The following NBPF20 variants were observed in gnomAD, a reference collection of about 807,000 sequenced individuals.
NBPF20 encodes NBPF family member NBPF20.
Under a neutral mutation model 68.1 loss-of-function variants are expected in NBPF20, and 90 were observed. That is an observed-to-expected ratio of 1.32 (90% CI 1.11 to 1.58). The LOEUF is 1.58. Among genes scored for constraint, NBPF20 ranks in the 40% most tolerant of loss-of-function variants. The pLI is 0.00. For missense variants in NBPF20, 816 were observed against 601.2 expected (o/e 1.36, Z -3.74); for synonymous variants, 290 against 228.1 (o/e 1.27, Z -2.45).
intron 6 of NBPF20, 102 bp downstream of exon 11, chr1:145,400,287 C>T: frequency 1.3e-6 from 2 of 1,592,820 alleles, no homozygotes; most frequent in Admixed American, 3.4e-5. Flanking sequence ...AAACCCATCA[C>T]AGTTTTTTAT....
At chr1:145,419,097 A>AAGGGAGGG in the NBPF20 span, among the ~76,000 whole-genome samples, 533 of 126,222 alleles carry the variant, frequency 4.2e-3, 8 homozygotes, top group African/African-American at 0.016. Flanking sequence ...GGAAGGAAGG[A>AAGGGAGGG]AGGGAGGGAG....
intron 75 of NBPF20, among the ~76,000 whole-genome samples, chr1:145,341,157 GAGAC>G: frequency 1.3e-5 from 1 of 78,372 alleles, no homozygotes; most frequent in South Asian, 3.6e-4. Context: ...GACAGAGAGA[GAGAC>G]AGAGACAGAG....
In NBPF20 at chr1:145,291,556, C is replaced by A. The variant is rs782354600; in HGVS notation, c.16911G>T (p.Val5637=). The A allele has an allele frequency of 2.0e-5, 32 of 1,611,896 alleles. 1 individual carries two copies. The South Asian group carries it at 2.4e-4, about 12-fold the overall frequency. The change falls in exon 138 of 138, where the codon GTG becomes GTT. Residue 5637 remains valine (V), a synonymous_variant. Coordinates refer to ENST00000369373, the Ensembl canonical transcript of NBPF20. ...GTGGGAATATGACTCCCATCTGGAACACCAGGTGGAGACTTGTCACCGTCA... is the reference window on the plus strand; with the variant it reads ...GTGGGAATATGACTCCCATCTGGAAAACCAGGTGGAGACTTGTCACCGTCA...
intron 136 of NBPF20, 41 bp from the exon 142 acceptor site, chr1:145,292,530 T>C: frequency 1.5e-6 from 1 of 682,864 alleles, no homozygotes; most frequent in South Asian, 1.6e-5. Flanking sequence ...TTAAGCTGAT[T>C]CCCCTACACA....
At chr1:145,419,444 C>T in the NBPF20 span, among the ~76,000 whole-genome samples, 31 of 152,164 alleles carry the variant, frequency 2.0e-4, no homozygotes, top group Non-Finnish European at 2.8e-4. Context: ...CCCACTGTTG[C>T]CAGAGACACT....
upstream of NBPF20, among the ~76,000 whole-genome samples, chr1:145,407,361 G>A (rs1571381747): frequency 7.2e-6 from 1 of 139,484 alleles, no homozygotes; most frequent in Non-Finnish European, 1.5e-5. Flanking sequence ...AACCAACATG[G>A]CACACGTATA....
chr1:145,410,610 G>A, the NBPF20 span, among the ~76,000 whole-genome samples: 3 of 150,796 alleles, frequency 2.0e-5, no homozygotes, highest in Non-Finnish European at 3.0e-5. Flanking sequence ...ACCGCGCCCG[G>A]CCCCATGTAT....
intron 3 of NBPF20, among the ~76,000 whole-genome samples, chr1:145,402,782 T>A (rs1197964421): frequency 2.0e-5 from 3 of 147,852 alleles, no homozygotes; most frequent in Non-Finnish European, 3.0e-5. Context: ...ATGGGGCGAA[T>A]TGAAAAGACG....
chr1:145,291,293 C>T (rs1283863740), exon 138 of NBPF20: 2 of 653,384 alleles, frequency 3.1e-6, no homozygotes, highest in Non-Finnish European at 5.2e-6. Context: ...TCTGACTGAT[C>T]ACTCCCGGCA....
At chr1:145,424,926 C>A in the NBPF20 span, among the ~76,000 whole-genome samples, 1 of 152,164 alleles carries the variant, frequency 6.6e-6, no homozygotes, top group East Asian at 1.9e-4. Context: ...AGCAGAATCC[C>A]GGAGGCCAAT....
At chr1:145,425,222 C>A in the NBPF20 span, among the ~76,000 whole-genome samples, 1 of 151,726 alleles carries the variant, frequency 6.6e-6, no homozygotes, top group Non-Finnish European at 1.5e-5. Context: ...GAACACACGC[C>A]CCCCCCAACC....
At chr1:145,417,693 A>C in the NBPF20 span, among the ~76,000 whole-genome samples, 2 of 149,276 alleles carry the variant, frequency 1.3e-5, no homozygotes, top group South Asian at 4.3e-4. Flanking sequence ...GCAAATAAGC[A>C]TATGAGAAAG....
At chr1:145,422,699 T>C in the NBPF20 span, among the ~76,000 whole-genome samples, 3 of 152,258 alleles carry the variant, frequency 2.0e-5, no homozygotes, top group Admixed American at 1.3e-4. Flanking sequence ...TAGTAAAAAG[T>C]GAATCATAGC....
exon 138 of NBPF20, chr1:145,291,490 T>G (rs1341101727): frequency 1.9e-5 from 30 of 1,611,914 alleles, no homozygotes; most frequent in African/African-American, 8.0e-5. Flanking sequence ...AGGTCCTGCC[T>G]GCAGGAATGA....
Position 145,394,973 on chromosome 1 carries a change from C to G in NBPF20, c.991+5G>C, listed in dbSNP as rs1337706303. ...GCTTTATCACCTTCACAGTGTAGTACTCACTGCCTATGTCAACAGCCATGC... is the reference window on the plus strand; with the variant it reads ...GCTTTATCACCTTCACAGTGTAGTAGTCACTGCCTATGTCAACAGCCATGC... On this transcript the variant is annotated splice_donor_5th_base_variant and intron_variant, in intron 8 of 137. Transcript: ENST00000369373. 5.0e-6 allele frequency: 8 copies of G among 1,611,882 alleles called. No individual in the cohort carries two copies. The highest frequency in any genetic ancestry group is 3.4e-6 in the Non-Finnish European group (4 of 1,179,836).
the NBPF20 span, among the ~76,000 whole-genome samples, chr1:145,425,194 T>G: frequency 2.0e-5 from 3 of 152,032 alleles, no homozygotes; most frequent in African/African-American, 7.3e-5. Context: ...GCATGGAACT[T>G]AAGCCCCGGC....
chr1:145,425,383 AC>A, the NBPF20 span, among the ~76,000 whole-genome samples: 1 of 151,928 alleles, frequency 6.6e-6, no homozygotes, highest in Non-Finnish European at 1.5e-5. Context: ...TTCGCTGTAA[AC>A]CGTAACTTCC....
At chr1:145,296,050 A>C in intron 132 of NBPF20, 2 of 164,328 alleles carry the variant, frequency 1.2e-5, no homozygotes, top group East Asian at 1.9e-4. Flanking sequence ...AAATTGAGAC[A>C]AAATCAGAGT....
intron 133 of NBPF20, chr1:145,295,174 G>C (rs1162843597): frequency 4.4e-6 from 3 of 678,162 alleles, no homozygotes; most frequent in East Asian, 2.9e-5. Flanking sequence ...GAGAGAGAGA[G>C]AGAGAGAGAG....
Sources: allele counts gnomAD v4.1 joint callset (sites outside exome capture counted in the v4.1 genomes callset), GRCh38; gene constraint gnomAD v4.1.1; transcripts MANE v1.5; gene names NCBI Gene and HGNC (gene_info 2026-07-23, HGNC 2026-07-21).